The following RB1CC1 variants were observed in gnomAD, a reference collection of about 807,000 sequenced individuals.
RB1CC1 encodes RB1-inducible coiled-coil protein 1.
Under a neutral mutation model 177.5 loss-of-function variants are expected in RB1CC1, and 46 were observed. That is an observed-to-expected ratio of 0.26 (90% CI 0.20 to 0.33). The LOEUF (loss-of-function observed/expected upper bound fraction) is 0.33, where lower values mean the gene tolerates loss of function less well. Ranked by LOEUF, RB1CC1 falls within the 10% of genes least tolerant of loss-of-function variation. RB1CC1 has a pLI of 1.00. For missense variants in RB1CC1, 1,703 were observed against 1,816.3 expected (o/e 0.94, Z 1.13); for synonymous variants, 666 against 613.6 (o/e 1.09, Z -1.26).
intron 5 of RB1CC1, among the ~76,000 whole-genome samples, chr8:52,678,392 G>C (rs1853349956): frequency 6.6e-6 from 1 of 152,168 alleles, no homozygotes; most frequent in South Asian, 2.1e-4. Flanking sequence ...ATTCCAGCCT[G>C]GGTGGCAAGA....
intron 15 of RB1CC1, among the ~76,000 whole-genome samples, chr8:52,647,336 C>T (rs977482690): frequency 2.6e-5 from 4 of 151,982 alleles, no homozygotes; most frequent in African/African-American, 9.7e-5. Context: ...AATAGGAATC[C>T]CCTATTTCAT....
intron 18 of RB1CC1, among the ~76,000 whole-genome samples, 157 bp downstream of exon 18, chr8:52,642,194 T>C (rs1046451941): frequency 6.6e-6 from 1 of 152,198 alleles, no homozygotes; most frequent in Non-Finnish European, 1.5e-5. Flanking sequence ...TCAGTAATGT[T>C]TTCTCACACT....
chr8:52,635,922 C>A (rs1395939024), intron 19 of RB1CC1, 93 bp downstream of exon 19: 2 of 1,443,508 alleles, frequency 1.4e-6, no homozygotes, highest in Admixed American at 2.4e-5. Context: ...TTTATAAACA[C>A]AAATAGTCTA....
At chr8:52,629,811 C>T (rs183734751) in intron 21 of RB1CC1, among the ~76,000 whole-genome samples, 4 of 152,274 alleles carry the variant, frequency 2.6e-5, no homozygotes, top group Admixed American at 2.0e-4. Flanking sequence ...TCTACCTATA[C>T]TTTGGAAGCT....
At chr8:52,692,235 T>C (rs1477425195) in intron 1 of RB1CC1, among the ~76,000 whole-genome samples, 1 of 152,130 alleles carries the variant, frequency 6.6e-6, no homozygotes, top group Non-Finnish European at 1.5e-5. Flanking sequence ...ATAATAAAAC[T>C]GTCTGCTCTC....
chr8:52,664,486 A>G (rs1319949775), intron 8 of RB1CC1, among the ~76,000 whole-genome samples: 3 of 152,212 alleles, frequency 2.0e-5, no homozygotes, highest in Non-Finnish European at 4.4e-5. Context: ...AATATTACCT[A>G]TAGTATTCTT....
chr8:52,713,022 A>G (rs575100219), intron 1 of RB1CC1, among the ~76,000 whole-genome samples: 69 of 152,336 alleles, frequency 4.5e-4, no homozygotes, highest in Non-Finnish European at 8.1e-4. Flanking sequence ...TAAACACACA[A>G]TTAAGTCTAC....
intron 18 of RB1CC1, among the ~76,000 whole-genome samples, chr8:52,636,759 C>A (rs748861749): frequency 6.6e-6 from 1 of 152,114 alleles, no homozygotes; most frequent in African/African-American, 2.4e-5. Flanking sequence ...AGTCAACCTG[C>A]GCATATGGTG....
rs747462308 is a variant in RB1CC1, at chr8:52,673,917, G to A, written c.930C>T (p.Asp310=). Residue 310 remains aspartate (D), a synonymous_variant, in exon 7 of 24, where the codon GAC becomes GAT. Transcript: ENST00000025008. Reference sequence around the variant, plus strand: ...TAGGTCTATCTTGAACATTTATCCAGTCTAACAAAGAGACATTAAAAAAGG... The same window carrying A: ...TAGGTCTATCTTGAACATTTATCCAATCTAACAAAGAGACATTAAAAAAGG... ...DLPFFNVSLL[D]WINVQDRPND... 1.9e-6 allele frequency: 3 copies of A among 1,614,064 alleles called. No individual in the cohort carries two copies. Among genetic ancestry groups the A allele is most frequent in the Non-Finnish European group, 2.5e-6 (3 of 1,179,976 alleles).
At chr8:52,662,720 A>G (rs1440978917) in intron 8 of RB1CC1, among the ~76,000 whole-genome samples, 1 of 152,066 alleles carries the variant, frequency 6.6e-6, no homozygotes, top group East Asian at 1.9e-4. Flanking sequence ...TTAGATTTGA[A>G]TGATATATAC....
chr8:52,698,711 T>G (rs1331628212), intron 1 of RB1CC1, among the ~76,000 whole-genome samples: 3 of 44,870 alleles, frequency 6.7e-5, no homozygotes, highest in Non-Finnish European at 7.8e-5. Context: ...TTTTTTTTTT[T>G]TTTTTTTTTT....
chr8:52,623,948 A>C, intron 23 of RB1CC1, 89 bp from the exon 24 acceptor site: 1 of 847,184 alleles, frequency 1.2e-6, no homozygotes, highest in Non-Finnish European at 1.9e-6. Flanking sequence ...AAAAAACAAA[A>C]AGAAACAAAA....
At chr8:52,709,953 A>AC (rs926560441) in intron 1 of RB1CC1, among the ~76,000 whole-genome samples, 2 of 152,212 alleles carry the variant, frequency 1.3e-5, no homozygotes, top group African/African-American at 4.8e-5. Context: ...AACACATGAG[A>AC]CTCAGATAAC....
At chr8:52,655,251 A>G (rs1850977850) in intron 15 of RB1CC1, among the ~76,000 whole-genome samples, 1 of 152,194 alleles carries the variant, frequency 6.6e-6, no homozygotes, top group Non-Finnish European at 1.5e-5. Context: ...GAGATTGTAT[A>G]AAAGTGATAA....
intron 1 of RB1CC1, among the ~76,000 whole-genome samples, chr8:52,697,951 A>G (rs1314061463): frequency 6.6e-6 from 1 of 152,244 alleles, no homozygotes; most frequent in Non-Finnish European, 1.5e-5. Context: ...TTTGAAATAT[A>G]GTTAAAGCAT....
At chr8:52,683,477 T>C in intron 5 of RB1CC1, 72 bp downstream of exon 5, 1 of 1,303,832 alleles carries the variant, frequency 7.7e-7, no homozygotes, top group Non-Finnish European at 1.0e-6. Context: ...TCCTATGCAA[T>C]TTAGACTACT....
At chr8:52,683,476 A>G (rs1853955808) in intron 5 of RB1CC1, 73 bp downstream of exon 5, 1 of 1,302,822 alleles carries the variant, frequency 7.7e-7, no homozygotes, top group East Asian at 2.6e-5. Context: ...TTCCTATGCA[A>G]TTTAGACTAC....
intron 1 of RB1CC1, among the ~76,000 whole-genome samples, chr8:52,690,999 T>C (rs1223016866): frequency 6.6e-6 from 1 of 152,224 alleles, no homozygotes; most frequent in African/African-American, 2.4e-5. Context: ...TATCAAATCA[T>C]AAAATTTAAC....
chr8:52,628,227 A>G, intron 21 of RB1CC1, 59 bp from the exon 22 acceptor site: 1 of 1,499,114 alleles, frequency 6.7e-7, no homozygotes, highest in South Asian at 1.2e-5. Context: ...CCTATTCTGA[A>G]AACTTAGCAT....
Sources: gnomAD v4.1 joint callset for allele counts (sites outside exome capture counted in the v4.1 genomes callset) on GRCh38, gnomAD v4.1.1 for gene constraint, MANE v1.5 for transcripts, NCBI Gene and HGNC (gene_info 2026-07-23, HGNC 2026-07-21) for gene names.